The following SH3GL2 variants were observed in gnomAD, a reference collection of about 807,000 sequenced individuals.
SH3GL2 encodes endophilin-A1.
Under a neutral mutation model 46.0 loss-of-function variants are expected in SH3GL2, and 24 were observed. That is an observed-to-expected ratio of 0.52 (90% CI 0.38 to 0.73). The LOEUF is 0.73. SH3GL2 is among the 30% of genes least tolerant of loss of function. The probability of loss-of-function intolerance (pLI) is 0.00; values close to 1 mark genes in which losing one functional copy is unlikely to be tolerated. For synonymous variants in SH3GL2, 196 were observed against 147.1 expected (o/e 1.33, Z -2.40); for missense variants, 413 against 424.2 (o/e 0.97, Z 0.23).
intron 1 of SH3GL2, among the ~76,000 whole-genome samples, chr9:17,691,257 T>C (rs1362954596): frequency 2.0e-5 from 3 of 152,154 alleles, no homozygotes; most frequent in African/African-American, 7.2e-5. Context: ...TTCTTTCTCT[T>C]TGAGACATAA....
chr9:17,715,863 T>A (rs2182089), intron 1 of SH3GL2, among the ~76,000 whole-genome samples: 88,436 of 151,920 alleles, frequency 0.58, 27,437 homozygotes, highest in African/African-American at 0.79. Context: ...GATGAGCAAG[T>A]TCATCTAACA....
chr9:17,786,724 AC>A (rs3215791), intron 4 of SH3GL2, among the ~76,000 whole-genome samples, 200 bp downstream of exon 4: 2 of 150,260 alleles, frequency 1.3e-5, no homozygotes, highest in African/African-American at 4.9e-5. Flanking sequence ...TTTTCTTCCC[AC>A]CCCCCCCACT....
At chr9:17,776,538 A>G (rs3808668) in intron 3 of SH3GL2, among the ~76,000 whole-genome samples, 17,644 of 152,180 alleles carry the variant, frequency 0.12, 1,144 homozygotes, top group Admixed American at 0.15. Context: ...CAAAAATGCT[A>G]TAAAGGAAGT....
chr9:17,774,995 G>T (rs527590771), intron 3 of SH3GL2, among the ~76,000 whole-genome samples: 1 of 152,048 alleles, frequency 6.6e-6, no homozygotes, highest in Non-Finnish European at 1.5e-5. Context: ...CTATTTCTTT[G>T]TGAGTTAGTC....
At chr9:17,625,624 G>A (rs1292956615) in intron 1 of SH3GL2, among the ~76,000 whole-genome samples, 1 of 152,216 alleles carries the variant, frequency 6.6e-6, no homozygotes, top group Non-Finnish European at 1.5e-5. Flanking sequence ...GTAGCAAAGA[G>A]CTAGTAAGTG....
intron 1 of SH3GL2, among the ~76,000 whole-genome samples, chr9:17,587,463 CTT>C (rs1443635429): frequency 6.6e-6 from 1 of 152,180 alleles, no homozygotes; most frequent in Non-Finnish European, 1.5e-5. Flanking sequence ...AATCTGCCCT[CTT>C]TGGGAACGGC....
rs74728971 is a variant in SH3GL2 at position 17,707,715 on chromosome 9, T to C, written c.46-39351T>C. ...GGGCAAAGGAGAGTGAAAGTTGATA[T>C]TGATACCAGACACTTTACAGCTATT... On this transcript the variant is annotated intron_variant, in intron 1 of 8. Transcript: ENST00000380607. Among the ~76,000 whole-genome samples the C allele has an allele frequency of 1.2e-3, 186 of 152,174 alleles. 6 individuals are homozygous for C. In the East Asian group the frequency reaches 0.027, roughly 22 times the overall value.
chr9:17,606,119 G>A (rs1417892280), intron 1 of SH3GL2, among the ~76,000 whole-genome samples: 3 of 151,672 alleles, frequency 2.0e-5, no homozygotes, highest in East Asian at 1.9e-4. Flanking sequence ...TTGAGATGGA[G>A]TCTCACTCTG....
At chr9:17,742,950 C>A (rs1032965808) in intron 1 of SH3GL2, among the ~76,000 whole-genome samples, 1 of 152,062 alleles carries the variant, frequency 6.6e-6, no homozygotes, top group Non-Finnish European at 1.5e-5. Context: ...TCTCAAATGG[C>A]AAATATGTTA....
intron 2 of SH3GL2, 82 bp downstream of exon 2, chr9:17,747,216 GC>G: frequency 1.2e-6 from 1 of 815,764 alleles, no homozygotes; most frequent in Non-Finnish European, 2.0e-6. Context: ...ACGGGAGAGG[GC>G]AACTGTTTTC....
chr9:17,612,021 A>G (rs1818877838), intron 1 of SH3GL2, among the ~76,000 whole-genome samples: 2 of 152,154 alleles, frequency 1.3e-5, no homozygotes, highest in Admixed American at 1.3e-4. Context: ...TATTGGGACT[A>G]GTTGTGCATA....
At chr9:17,612,541 A>G (rs755714973) in intron 1 of SH3GL2, among the ~76,000 whole-genome samples, 26 of 152,158 alleles carry the variant, frequency 1.7e-4, no homozygotes, top group Non-Finnish European at 3.5e-4. Flanking sequence ...TGTATAATTG[A>G]GAATAAGGTG....
At chr9:17,728,150 A>T (rs569043135) in intron 1 of SH3GL2, among the ~76,000 whole-genome samples, 5 of 152,310 alleles carry the variant, frequency 3.3e-5, no homozygotes, top group East Asian at 3.9e-4. Flanking sequence ...ACAGATTTCT[A>T]TGCGAATCTA....
At position 17,611,142 on chromosome 9, in the gene SH3GL2, TAAC is replaced by T. The variant is rs998625400; in HGVS notation, c.45+31856_45+31858del. On this transcript the variant is annotated intron_variant, in intron 1 of 8. Transcript: ENST00000380607. ...TCATAGAGTAGACGTCATACAATAA[TAAC>T]CTTGCAAATAGGAAGTATCGATCAT... Among the ~76,000 whole-genome samples the T allele has an allele frequency of 5.9e-5, 9 of 152,332 alleles. 1 individual carries two copies. The East Asian group carries it at 9.7e-4, about 16-fold the overall frequency.
At chr9:17,615,061 C>G (rs539805125) in intron 1 of SH3GL2, among the ~76,000 whole-genome samples, 42 of 152,294 alleles carry the variant, frequency 2.8e-4, no homozygotes, top group African/African-American at 1.0e-3. Context: ...TTGGACCCCT[C>G]CCAACTGCTG....
At position 17,701,090 on chromosome 9, in the gene SH3GL2, G is replaced by A. The variant is rs75218856; in HGVS notation, c.46-45976G>A. On this transcript the variant is annotated intron_variant, in intron 1 of 8. Transcript: ENST00000380607. ...CATTCCATAGATTCAGCTTAAAGTG[G>A]GCCCACAGAAGAAGAGAGGGTAGAG... is the stretch of plus-strand genomic sequence containing the variant. Among the ~76,000 whole-genome samples, 638 of 152,148 alleles carry A rather than the reference G, an allele frequency of 4.2e-3. 8 individuals are homozygous for A. The highest frequency in any genetic ancestry group is 0.013 in the African/African-American group (532 of 41,524).
chr9:17,603,004 A>G (rs1818697649), intron 1 of SH3GL2, among the ~76,000 whole-genome samples: 2 of 152,206 alleles, frequency 1.3e-5, no homozygotes, highest in African/African-American at 4.8e-5. Flanking sequence ...CATTTACAAC[A>G]GGAGCTTGGG....
intron 3 of SH3GL2, among the ~76,000 whole-genome samples, chr9:17,764,178 A>G (rs879100368): frequency 1.3e-5 from 2 of 152,228 alleles, no homozygotes; most frequent in Admixed American, 6.5e-5. Flanking sequence ...ACAGTTATGT[A>G]TGGGCAGGCC....
intron 2 of SH3GL2, among the ~76,000 whole-genome samples, chr9:17,754,064 C>T (rs1822921951): frequency 6.6e-6 from 1 of 152,118 alleles, no homozygotes; most frequent in Non-Finnish European, 1.5e-5. Flanking sequence ...CAGTACCATG[C>T]TGTTTTGGTT....
Sources: gnomAD v4.1 joint callset for allele counts (sites outside exome capture counted in the v4.1 genomes callset) on GRCh38, gnomAD v4.1.1 for gene constraint, MANE v1.5 for transcripts, NCBI Gene and HGNC (gene_info 2026-07-23, HGNC 2026-07-21) for gene names.